Variants in NACC2 observed in about 807,000 individuals in gnomAD.
The protein encoded by NACC2 is NACC family member 2.
NACC2 carries 8 observed loss-of-function variants against 25.1 expected under a neutral mutation model. The observed-to-expected ratio is 0.32, with a 90% CI of 0.19 to 0.57. NACC2 has a LOEUF of 0.57. NACC2 is among the 20% of genes least tolerant of loss of function. The pLI is 0.89. For missense variants in NACC2, 644 were observed against 650.2 expected (o/e 0.99, Z 0.10); for synonymous variants, 435 against 294.7 (o/e 1.48, Z -4.88).
chr9:136,034,521 T>C (rs1020302131), intron 2 of NACC2, among the ~76,000 whole-genome samples: 4 of 152,144 alleles, frequency 2.6e-5, no homozygotes, highest in Admixed American at 2.6e-4. Flanking sequence ...AAATACTTAG[T>C]GGCAATGAAC....
chr9:136,035,200 C>A (rs1393373366), intron 2 of NACC2, among the ~76,000 whole-genome samples: 2 of 152,126 alleles, frequency 1.3e-5, no homozygotes. Flanking sequence ...AGGCTGAGGA[C>A]AGGCAGGATA....
rs554853979 is a variant in NACC2, at chr9:136,013,096, T to C, written c.1255+103A>G. 82 of 914,978 alleles carry C rather than the reference T, an allele frequency of 9.0e-5. No individual in the cohort carries two copies. In the Admixed American group the frequency reaches 1.0e-3, roughly 11 times the overall value. 56.7% of individuals were successfully genotyped at this position (914,978 alleles called of 1,614,324 possible). On this transcript the variant is annotated intron_variant, in intron 5 of 5. Coordinates refer to ENST00000277554, the MANE Select transcript of NACC2 (RefSeq NM_144653.5). The surrounding 1 kb of genome is among the most constrained non-coding windows in gnomAD (Gnocchi z 6.6). ...ATGCTCGGCCCCCAGGGACGGAAGC[T>C]GCAGGTGGCCGGGAGCACCCCCGCG...
intron 5 of NACC2, among the ~76,000 whole-genome samples, chr9:136,012,652 G>GTT (rs540279008): frequency 2.8e-4 from 37 of 133,132 alleles, no homozygotes; most frequent in Non-Finnish European, 3.2e-4. Flanking sequence ...GCCTCACAAG[G>GTT]TTTTTTTTTT....
intron 1 of NACC2, among the ~76,000 whole-genome samples, chr9:136,051,073 G>A (rs1366997908): frequency 6.6e-6 from 1 of 152,216 alleles, no homozygotes; most frequent in East Asian, 1.9e-4. Flanking sequence ...TGCAGTTTGC[G>A]GTTTGCTTTC....
At chr9:136,051,384 A>T (rs1022969799) in intron 1 of NACC2, among the ~76,000 whole-genome samples, 7 of 151,954 alleles carry the variant, frequency 4.6e-5, no homozygotes, top group African/African-American at 9.7e-5. Flanking sequence ...CTCGCTCCCC[A>T]CGCGGGCCAA....
At chr9:136,089,361 C>A (rs182018806) in intron 1 of NACC2, among the ~76,000 whole-genome samples, 1 of 152,154 alleles carries the variant, frequency 6.6e-6, no homozygotes, top group East Asian at 1.9e-4. Context: ...CCCACAGCCA[C>A]CCCCCTTGCT....
intron 2 of NACC2, among the ~76,000 whole-genome samples, chr9:136,038,251 C>A (rs1840582490): frequency 6.6e-6 from 1 of 151,962 alleles, no homozygotes; most frequent in African/African-American, 2.4e-5. Flanking sequence ...TTTTTAAACA[C>A]CAGGCTGGGC....
At chr9:136,085,215 T>C (rs918023147) in intron 1 of NACC2, among the ~76,000 whole-genome samples, 3 of 129,688 alleles carry the variant, frequency 2.3e-5, no homozygotes, top group Non-Finnish European at 4.7e-5. Context: ...AGTGGTGCCA[T>C]CTCAGCTCAC....
chr9:136,063,484 G>A (rs1841039473), intron 1 of NACC2, among the ~76,000 whole-genome samples: 1 of 152,206 alleles, frequency 6.6e-6, no homozygotes, highest in Non-Finnish European at 1.5e-5. Context: ...GGCCGAGCCT[G>A]CAAGTTCTCT....
chr9:136,089,592 C>T (rs1270081258), intron 1 of NACC2, among the ~76,000 whole-genome samples: 43 of 150,776 alleles, frequency 2.9e-4, no homozygotes, highest in Non-Finnish European at 1.2e-4. Flanking sequence ...CTCTGAGGCT[C>T]CCCCAACTCA....
At chr9:136,069,346 C>T (rs1050545842) in intron 1 of NACC2, among the ~76,000 whole-genome samples, 5 of 151,170 alleles carry the variant, frequency 3.3e-5, no homozygotes, top group African/African-American at 4.9e-5. Flanking sequence ...GTCAGGAGGT[C>T]GAGACCAGCC....
In NACC2 at chr9:136,013,642, G is replaced by A. The variant is rs1840148304; in HGVS notation, c.1157+222C>T. On this transcript the variant is annotated intron_variant, in intron 4 of 5. Transcript: ENST00000277554. This position sits in a 1 kb window ranked among gnomAD's most constrained non-coding sequence, Gnocchi z 6.6. The stretch of plus-strand genomic sequence containing the variant: ...GGCTCTTCATTTTTCTGTTGTGGGG[G>A]TTGCATCCACAAGCCCGTTTGAGAA... Among the ~76,000 whole-genome samples the A allele has an allele frequency of 6.6e-6, 1 of 152,158 alleles. No individual in the cohort carries two copies. The highest frequency in any genetic ancestry group is 1.5e-5 in the Non-Finnish European group (1 of 68,042).
chr9:136,014,880 T>G (rs142415911), intron 3 of NACC2, among the ~76,000 whole-genome samples: 1 of 152,022 alleles, frequency 6.6e-6, no homozygotes, highest in Non-Finnish European at 1.5e-5. Flanking sequence ...AGGGTCTGGG[T>G]GAGCGAGGGC....
intron 1 of NACC2, among the ~76,000 whole-genome samples, chr9:136,076,399 C>G (rs1365788116): frequency 1.3e-5 from 2 of 152,192 alleles, no homozygotes; most frequent in Non-Finnish European, 2.9e-5. Context: ...CCCCCCAGCC[C>G]GGTGAACCTC....
chr9:136,054,055 C>T (rs1234393349), intron 1 of NACC2, among the ~76,000 whole-genome samples: 1 of 152,226 alleles, frequency 6.6e-6, no homozygotes, highest in Non-Finnish European at 1.5e-5. Context: ...ATGATTTACC[C>T]TCAGATGGTT....
Position 136,022,937 on chromosome 9 carries a change from C to T in NACC2, c.887-6508G>A, listed in dbSNP as rs1025788081. 8.1e-5 allele frequency among the ~76,000 whole-genome samples: 12 copies of T among 148,310 alleles called. No homozygotes were observed. The highest frequency in any genetic ancestry group is 6.1e-4 in the East Asian group (3 of 4,948). On this transcript the variant is annotated intron_variant, in intron 2 of 5. Coordinates refer to ENST00000277554, the MANE Select transcript of NACC2 (RefSeq NM_144653.5). This position sits in a 1 kb window ranked among gnomAD's most constrained non-coding sequence, Gnocchi z 4.4. Reference sequence around the variant, plus strand: ...ACACCGTGCCTGTTAAGACACAGCCCGTTTCGTGGATGCTGACACATGGGG... The same window carrying T: ...ACACCGTGCCTGTTAAGACACAGCCTGTTTCGTGGATGCTGACACATGGGG...
At chr9:136,081,414 G>A (rs1440603335) in intron 1 of NACC2, among the ~76,000 whole-genome samples, 3 of 152,126 alleles carry the variant, frequency 2.0e-5, no homozygotes, top group Non-Finnish European at 4.4e-5. Flanking sequence ...CATCCTCCAC[G>A]CGTCCTCCCA....
At chr9:136,039,288 T>C (rs1840596337) in intron 2 of NACC2, among the ~76,000 whole-genome samples, 1 of 152,168 alleles carries the variant, frequency 6.6e-6, no homozygotes, top group African/African-American at 2.4e-5. Flanking sequence ...GTAATATTGG[T>C]AATTAAAGTC....
In NACC2 at chr9:136,032,645, C is replaced by G. The variant is rs563564826; in HGVS notation, c.887-16216G>C. On this transcript the variant is annotated intron_variant, in intron 2 of 5. Coordinates refer to ENST00000277554, the MANE Select transcript of NACC2 (RefSeq NM_144653.5). ...GGCCTGGTGGCTCACGTAGGTAATC[C>G]CAGCAGTTTGGGAGGCCAAGGCAGG... Among the ~76,000 whole-genome samples the G allele has an allele frequency of 3.9e-5, 6 of 152,284 alleles. No individual in the cohort carries two copies. The South Asian group carries it at 8.3e-4, about 21-fold the overall frequency.
Sources: allele counts gnomAD v4.1 joint callset (sites outside exome capture counted in the v4.1 genomes callset), GRCh38; gene constraint gnomAD v4.1.1; non-coding constraint Gnocchi (gnomAD v3.1); transcripts MANE v1.5; gene names NCBI Gene and HGNC (gene_info 2026-07-23, HGNC 2026-07-21).